LRP1B: variants seen among roughly 807,000 people sequenced by gnomAD.
LRP1B encodes low-density lipoprotein receptor-related protein 1B.
LRP1B carries 217 observed loss-of-function variants against 556.6 expected under a neutral mutation model. The ratio of observed to expected loss-of-function variants is 0.39; its 90% CI spans 0.35 to 0.44. The LOEUF (loss-of-function observed/expected upper bound fraction) is 0.44, where lower values mean the gene tolerates loss of function less well. LRP1B is among the 20% of genes least tolerant of loss of function. LRP1B has a pLI of 1.00. For missense variants in LRP1B, 5,053 were observed against 5,620.8 expected (o/e 0.90, Z 3.23); for synonymous variants, 2,047 against 1,865.8 (o/e 1.10, Z -2.50).
intron 1 of LRP1B, among the ~76,000 whole-genome samples, chr2:141,901,358 G>T (rs1157716156): frequency 6.6e-6 from 1 of 151,946 alleles, no homozygotes; most frequent in Non-Finnish European, 1.5e-5. Context: ...GAGAAAAGGA[G>T]AATTGAATTT....
intron 7 of LRP1B, among the ~76,000 whole-genome samples, chr2:141,107,395 C>G (rs967238061): frequency 2.6e-5 from 4 of 152,128 alleles, no homozygotes; most frequent in Non-Finnish European, 5.9e-5. Context: ...TGCCTGTAAT[C>G]CCAGCGCTTT....
intron 58 of LRP1B, among the ~76,000 whole-genome samples, chr2:140,487,303 G>A (rs983380310): frequency 6.6e-6 from 1 of 151,822 alleles, no homozygotes; most frequent in Non-Finnish European, 1.5e-5. Flanking sequence ...TAAATCAACA[G>A]AATTGAATTG....
At chr2:141,123,247 A>AAAT (rs1558876177) in intron 7 of LRP1B, among the ~76,000 whole-genome samples, 1 of 140,616 alleles carries the variant, frequency 7.1e-6, no homozygotes, top group African/African-American at 2.5e-5. Flanking sequence ...ATAATAAAAA[A>AAAT]AAATAAATAA....
chr2:141,667,415 A>T (rs12328291), intron 2 of LRP1B, among the ~76,000 whole-genome samples: 23,162 of 152,192 alleles, frequency 0.15, 2,399 homozygotes, highest in East Asian at 0.44. Flanking sequence ...TACCACTTCC[A>T]TAAATGGAAA....
chr2:141,181,931 G>T (rs1189772881), intron 7 of LRP1B, among the ~76,000 whole-genome samples: 1 of 151,994 alleles, frequency 6.6e-6, no homozygotes. Flanking sequence ...CTTTGAATGA[G>T]CCTTTGAACC....
intron 1 of LRP1B, among the ~76,000 whole-genome samples, chr2:141,825,323 G>C (rs1005758395): frequency 1.3e-5 from 2 of 152,138 alleles, no homozygotes; most frequent in African/African-American, 4.8e-5. Flanking sequence ...AAAAATAAAG[G>C]AGTTTGGAGT....
chr2:141,915,732 C>T (rs1156671953), intron 1 of LRP1B, among the ~76,000 whole-genome samples: 4 of 152,060 alleles, frequency 2.6e-5, no homozygotes, highest in African/African-American at 9.7e-5. Context: ...TTAAACAATT[C>T]AACCAATAAA....
chr2:141,975,590 G>A (rs563943273), intron 1 of LRP1B, among the ~76,000 whole-genome samples: 148 of 152,184 alleles, frequency 9.7e-4, no homozygotes, highest in African/African-American at 3.4e-3. Flanking sequence ...GCTGTAATGT[G>A]TTAACATAGT....
intron 60 of LRP1B, among the ~76,000 whole-genome samples, chr2:140,465,884 G>A (rs943304776): frequency 3.3e-5 from 5 of 152,028 alleles, no homozygotes; most frequent in African/African-American, 9.7e-5. Flanking sequence ...TATAGTAACT[G>A]AATTGTATTT....
At chr2:141,918,049 GA>G (rs1272609391) in intron 1 of LRP1B, among the ~76,000 whole-genome samples, 2 of 151,898 alleles carry the variant, frequency 1.3e-5, no homozygotes, top group African/African-American at 2.4e-5. Flanking sequence ...TTTTATAAAT[GA>G]AAATGGCAAT....
chr2:140,491,997 G>A (rs1317481521), intron 57 of LRP1B, among the ~76,000 whole-genome samples: 1 of 152,106 alleles, frequency 6.6e-6, no homozygotes, highest in Non-Finnish European at 1.5e-5. Context: ...ACACAGCTTG[G>A]ATTTTGACCA....
intron 2 of LRP1B, among the ~76,000 whole-genome samples, chr2:141,534,348 A>T (rs1319411341): frequency 6.6e-6 from 1 of 152,174 alleles, no homozygotes; most frequent in Non-Finnish European, 1.5e-5. Context: ...TCCCATTTCC[A>T]TTGGAAGATT....
chr2:140,474,932 T>C (rs1220974036), intron 60 of LRP1B, among the ~76,000 whole-genome samples: 2 of 151,530 alleles, frequency 1.3e-5, no homozygotes, highest in African/African-American at 4.8e-5. Context: ...AAAGAAAACA[T>C]TGATAGTGTA....
intron 2 of LRP1B, among the ~76,000 whole-genome samples, chr2:141,633,731 C>G (rs1688996052): frequency 6.6e-6 from 1 of 152,018 alleles, no homozygotes; most frequent in South Asian, 2.1e-4. Context: ...TGATCACAAA[C>G]AGAAACTCTG....
intron 3 of LRP1B, among the ~76,000 whole-genome samples, chr2:141,323,960 A>G (rs1173441692): frequency 6.8e-6 from 1 of 147,688 alleles, no homozygotes; most frequent in Non-Finnish European, 1.5e-5. Context: ...GAAACCACAC[A>G]CACATACATG....
intron 2 of LRP1B, among the ~76,000 whole-genome samples, chr2:141,795,659 G>A (rs1306831314): frequency 6.6e-6 from 1 of 151,670 alleles, no homozygotes; most frequent in Non-Finnish European, 1.5e-5. Flanking sequence ...CCAAGGGGAT[G>A]TCAATTCCAG....
chr2:141,415,303 A>T (rs1017163407), intron 3 of LRP1B, among the ~76,000 whole-genome samples: 1 of 151,654 alleles, frequency 6.6e-6, no homozygotes, highest in African/African-American at 2.4e-5. Context: ...GTGAGCCACC[A>T]CGCCCGGCCT....
In LRP1B at chr2:141,531,366, T is replaced by C. The variant is rs577105036; in HGVS notation, c.206-50833A>G. The stretch of plus-strand genomic sequence containing the variant: ...TATTTCCAGGGAGCTCCTGACATAT[T>C]GAGCTTTTTCAGATAACGTATTAAC... On this transcript the variant is annotated intron_variant, in intron 2 of 90. Transcript: ENST00000389484. Among the ~76,000 whole-genome samples the C allele has an allele frequency of 5.3e-5, 8 of 152,274 alleles. No individual in the cohort carries two copies. In the South Asian group the frequency reaches 1.7e-3, roughly 32 times the overall value.
intron 18 of LRP1B, among the ~76,000 whole-genome samples, chr2:140,967,089 G>C (rs1000772451): frequency 3.9e-5 from 6 of 152,164 alleles, no homozygotes; most frequent in African/African-American, 1.4e-4. Flanking sequence ...GAAACTCATT[G>C]GTAGCTTGAT....
Sources: gnomAD v4.1 joint callset for allele counts (sites outside exome capture counted in the v4.1 genomes callset) on GRCh38, gnomAD v4.1.1 for gene constraint, MANE v1.5 for transcripts, NCBI Gene and HGNC (gene_info 2026-07-23, HGNC 2026-07-21) for gene names.